GRIK1: variants seen among roughly 807,000 people sequenced by gnomAD.
GRIK1 encodes the protein glutamate ionotropic receptor kainate type subunit 1.
Under a neutral mutation model 105.7 loss-of-function variants are expected in GRIK1, and 69 were observed. The observed-to-expected ratio is 0.65, with a 90% CI of 0.54 to 0.80. The LOEUF (loss-of-function observed/expected upper bound fraction) is 0.80. Ranked by LOEUF, GRIK1 falls within the 30% of genes least tolerant of loss-of-function variation. The pLI, the probability that GRIK1 is intolerant of heterozygous loss-of-function variation, is 0.00. For synonymous variants in GRIK1, 438 were observed against 431.3 expected (o/e 1.02, Z -0.19); for missense variants, 1,109 against 1,167.3 (o/e 0.95, Z 0.73).
intron 1 of GRIK1, among the ~76,000 whole-genome samples, chr21:29,905,606 C>A (rs1056947033): frequency 4.7e-5 from 7 of 147,748 alleles, no homozygotes; most frequent in Admixed American, 2.7e-4. Flanking sequence ...CCATCATGCC[C>A]AGCAAATTTT....
intron 1 of GRIK1, among the ~76,000 whole-genome samples, chr21:29,743,296 A>T (rs1417433233): frequency 6.6e-6 from 1 of 152,198 alleles, no homozygotes; most frequent in Non-Finnish European, 1.5e-5. Context: ...GTTGGGAGAA[A>T]ATCAAAGAAA....
chr21:29,821,157 T>G (rs1021947053), intron 1 of GRIK1, among the ~76,000 whole-genome samples: 3 of 152,050 alleles, frequency 2.0e-5, no homozygotes, highest in African/African-American at 4.8e-5. Flanking sequence ...TATAAATGAT[T>G]GATTAACACA....
At chr21:29,616,416 A>C (rs766951934) in intron 7 of GRIK1, among the ~76,000 whole-genome samples, 1 of 152,212 alleles carries the variant, frequency 6.6e-6, no homozygotes, top group African/African-American at 2.4e-5. Context: ...TTTACTTACA[A>C]CTTCTTAACT....
At chr21:29,539,869 A>G (rs2089940639) in intron 16 of GRIK1, among the ~76,000 whole-genome samples, 1 of 152,240 alleles carries the variant, frequency 6.6e-6, no homozygotes, top group Non-Finnish European at 1.5e-5. Context: ...ATTTGAACTC[A>G]GTATATCTGG....
chr21:29,694,492 C>T (rs2063655203), intron 1 of GRIK1, among the ~76,000 whole-genome samples: 1 of 152,112 alleles, frequency 6.6e-6, no homozygotes, highest in African/African-American at 2.4e-5. Context: ...AGAGCAGATC[C>T]TAAATCCCGG....
rs1569137196 is a variant in GRIK1, at chr21:29,828,007, CTCTCTG to C, written c.118+111370_118+111375del. Among the ~76,000 whole-genome samples, 175 of 124,218 alleles carry C rather than the reference CTCTCTG, an allele frequency of 1.4e-3. 3 individuals are homozygous for C. Among genetic ancestry groups the C allele is most frequent in the African/African-American group, 2.8e-3 (86 of 31,238 alleles). The allele number at this position is 124,218 out of a possible 152,430, so 81.5% of individuals were successfully genotyped here. ...TCTCTCTCTCTCTCTCTCTCTGTCT[CTCTCTG>C]TGTGTGTGTGTGTGTGTGTGTGGGT... On this transcript the variant is annotated intron_variant, in intron 1 of 17. Coordinates refer to ENST00000327783, the MANE Select transcript of GRIK1 (RefSeq NM_001330994.2).
intron 7 of GRIK1, among the ~76,000 whole-genome samples, chr21:29,609,842 C>T (rs1040460534): frequency 3.3e-5 from 5 of 152,100 alleles, no homozygotes; most frequent in African/African-American, 1.2e-4. Flanking sequence ...GAGCCAATTC[C>T]TCAAAATAAA....
intron 4 of GRIK1, among the ~76,000 whole-genome samples, chr21:29,658,234 T>A (rs1446935072): frequency 6.6e-6 from 1 of 152,212 alleles, no homozygotes; most frequent in African/African-American, 2.4e-5. Context: ...TCCACTAATA[T>A]GTTCTTCTAA....
intron 1 of GRIK1, among the ~76,000 whole-genome samples, chr21:29,793,642 A>G (rs1406010762): frequency 6.6e-6 from 1 of 152,180 alleles, no homozygotes; most frequent in East Asian, 1.9e-4. Flanking sequence ...TATCCTAATA[A>G]TGTGACCATC....
rs907055868 is a variant in GRIK1, at chr21:29,931,432, G to A, written c.118+7951C>T. On this transcript the variant is annotated intron_variant, in intron 1 of 17. Coordinates refer to ENST00000327783, the MANE Select transcript of GRIK1 (RefSeq NM_001330994.2). Reference sequence around the variant, plus strand: ...AGGCTTTGGGGAGGAAGACCAGATAGGTAACATACCCTTTGCATCACCTGT... The same window carrying A: ...AGGCTTTGGGGAGGAAGACCAGATAAGTAACATACCCTTTGCATCACCTGT... 1.4e-4 allele frequency among the ~76,000 whole-genome samples: 21 copies of A among 151,586 alleles called. No individual in the cohort carries two copies. In the East Asian group the frequency reaches 4.1e-3, roughly 29 times the overall value.
At chr21:29,652,567 AC>A (rs1408074196) in intron 5 of GRIK1, among the ~76,000 whole-genome samples, 3 of 152,222 alleles carry the variant, frequency 2.0e-5, no homozygotes, top group Admixed American at 6.5e-5. Context: ...GTTTTCTATT[AC>A]AGATGAGGCT....
At chr21:29,921,224 C>T (rs544305344) in intron 1 of GRIK1, among the ~76,000 whole-genome samples, 3 of 152,122 alleles carry the variant, frequency 2.0e-5, no homozygotes, top group Non-Finnish European at 2.9e-5. Flanking sequence ...AAAAATGACT[C>T]GCAGTTGCAT....
At chr21:29,700,287 A>C (rs2063787173) in intron 1 of GRIK1, among the ~76,000 whole-genome samples, 1 of 152,150 alleles carries the variant, frequency 6.6e-6, no homozygotes, top group South Asian at 2.1e-4. Flanking sequence ...TGATGGGTGC[A>C]ATGAAGGGTT....
At chr21:29,774,446 C>CTTTTTTTTTTTT (rs34378438) in intron 1 of GRIK1, among the ~76,000 whole-genome samples, 3 of 102,432 alleles carry the variant, frequency 2.9e-5, no homozygotes, top group Non-Finnish European at 4.0e-5. Flanking sequence ...TTATTTTGCT[C>CTTTTTTTTTTTT]TTTTTTTTTT....
At chr21:29,788,290 A>C (rs62211992) in intron 1 of GRIK1, among the ~76,000 whole-genome samples, 2,520 of 152,312 alleles carry the variant, frequency 0.017, 41 homozygotes, top group Non-Finnish European at 0.019. Context: ...AAGGTGGTCA[A>C]GACGGGCATT....
intron 1 of GRIK1, among the ~76,000 whole-genome samples, chr21:29,871,903 A>G (rs1261377853): frequency 6.6e-6 from 1 of 151,142 alleles, no homozygotes; most frequent in Non-Finnish European, 1.5e-5. Flanking sequence ...AGCTGGGACA[A>G]CAGGCATGCT....
At chr21:29,741,837 T>A (rs1247408688) in intron 1 of GRIK1, among the ~76,000 whole-genome samples, 1 of 152,230 alleles carries the variant, frequency 6.6e-6, no homozygotes, top group Non-Finnish European at 1.5e-5. Context: ...TTGCCGTTGT[T>A]TCATTTGACA....
In GRIK1 at chr21:29,768,805, C is replaced by T. The variant is rs192630956; in HGVS notation, c.119-74742G>A. Among the ~76,000 whole-genome samples, 534 of 152,288 alleles carry T rather than the reference C, an allele frequency of 3.5e-3. 1 individual carries two copies. The highest frequency in any genetic ancestry group is 4.6e-3 in the Non-Finnish European group (313 of 68,028). ...ACACACATTTTCTGTCCTCAACTTA[C>T]GCAGTTTTCCTGATGTGTCTTCTTC... is the stretch of plus-strand genomic sequence containing the variant. On this transcript the variant is annotated intron_variant, in intron 1 of 17. Coordinates refer to ENST00000327783, the MANE Select transcript of GRIK1 (RefSeq NM_001330994.2).
intron 1 of GRIK1, among the ~76,000 whole-genome samples, chr21:29,932,022 T>C (rs1276129960): frequency 6.6e-6 from 1 of 152,168 alleles, no homozygotes; most frequent in Admixed American, 6.6e-5. Context: ...CACACAGGCA[T>C]AATTCTAATA....
Sources: gnomAD v4.1 joint callset for allele counts (sites outside exome capture counted in the v4.1 genomes callset) on GRCh38, gnomAD v4.1.1 for gene constraint, MANE v1.5 for transcripts, NCBI Gene and HGNC (gene_info 2026-07-23, HGNC 2026-07-21) for gene names.